Variants in CERKL observed in about 807,000 individuals in gnomAD.
The protein encoded by CERKL is CERK like autophagy regulator.
A neutral mutation model predicts 63.4 loss-of-function variants in CERKL; 61 were observed. The ratio of observed to expected loss-of-function variants is 0.96; its 90% CI spans 0.78 to 1.19. The LOEUF is 1.19. Ranked by LOEUF, CERKL falls within the 50% of genes most tolerant of loss-of-function variation. CERKL has a pLI of 0.00. For synonymous variants in CERKL, 250 were observed against 230.5 expected, an observed-to-expected ratio of 1.08 and a Z score of -0.77; for missense variants, 675 against 655.5, an observed-to-expected ratio of 1.03 and a Z score of -0.33.
intron 1 of CERKL, among the ~76,000 whole-genome samples, chr2:181,636,460 A>C (rs1687183498): frequency 6.7e-6 from 1 of 149,786 alleles, no homozygotes; most frequent in Non-Finnish European, 1.5e-5. Context: ...CCTGCTACCT[A>C]ATTTACCAAA....
At position 181,549,698 on chromosome 2, in the gene CERKL, A is replaced by C. The variant is rs768174254; in HGVS notation, c.831T>G (p.Asn277Lys). The change falls in exon 6 of 13, where the codon AAT becomes AAG. Residue 277 changes from asparagine (N) to lysine (K), a missense_variant. Physicochemically the swap from Asn to Lys is moderately conservative, Grantham distance 94 (BLOSUM62 0). Coordinates refer to ENST00000410087, the MANE Select transcript of CERKL (RefSeq NM_201548.5). ...CTCCATGAAGAGAATGTGCCAATAC[A>C]TTGGTAGATCCTGCCAAAGCAATTT... ...PLGLIPAGSTNVLAHSLHGVP... is the reference protein window; with the variant it reads ...PLGLIPAGSTKVLAHSLHGVP... 1.9e-6 allele frequency: 3 copies of C among 1,611,248 alleles called. No individual in the cohort carries two copies. The Admixed American group carries it at 5.0e-5, about 27-fold the overall frequency.
chr2:181,625,248 C>A (rs182420469), intron 1 of CERKL, among the ~76,000 whole-genome samples: 65 of 151,958 alleles, frequency 4.3e-4, no homozygotes, highest in African/African-American at 1.5e-3. Context: ...GAGGACTGAC[C>A]TTGACGAGTA....
At chr2:181,607,272 C>T (rs923861745) in intron 1 of CERKL, among the ~76,000 whole-genome samples, 1 of 152,176 alleles carries the variant, frequency 6.6e-6, no homozygotes, top group East Asian at 1.9e-4. Flanking sequence ...TTTGAAAATG[C>T]TACTTTAACA....
At chr2:181,651,093 C>T (rs3910665) in intron 1 of CERKL, among the ~76,000 whole-genome samples, 66,854 of 152,028 alleles carry the variant, frequency 0.44, 16,304 homozygotes, top group South Asian at 0.78. Context: ...CTGAACTCAA[C>T]CAAACATTTA....
At position 181,539,202 on chromosome 2, in the gene CERKL, A is replaced by G; in HGVS notation, c.1428T>C (p.Asn476=). ...VEEVKVHPRN[N]TGGYNPEEEE... The stretch of plus-strand genomic sequence containing the variant: ...CCTCCTCTGGATTATATCCACCAGT[A>G]TTATTCCTTGGATGAACTTTTACTT... Residue 476 remains asparagine, a synonymous_variant, in exon 12 of 13, where the codon AAT becomes AAC. Transcript: ENST00000410087. 1 of 1,606,168 alleles carries G rather than the reference A, an allele frequency of 6.2e-7. No individual in the cohort carries two copies. The highest frequency in any genetic ancestry group is 8.5e-7 in the Non-Finnish European group (1 of 1,172,950).
At chr2:181,614,830 T>G (rs937889513) in intron 1 of CERKL, among the ~76,000 whole-genome samples, 9 of 152,318 alleles carry the variant, frequency 5.9e-5, no homozygotes, top group Admixed American at 5.9e-4. Flanking sequence ...TGTTAAAACA[T>G]ACCTTTATTG....
intron 2 of CERKL, among the ~76,000 whole-genome samples, chr2:181,576,990 G>T (rs182247024): frequency 1.3e-5 from 2 of 152,282 alleles, no homozygotes; most frequent in Admixed American, 6.5e-5. Context: ...ATATTCATCA[G>T]AATTACCTGA....
In CERKL at chr2:181,611,946, T is replaced by C. The variant is rs375825131; in HGVS notation, c.239-7867A>G. On this transcript the variant is annotated intron_variant, in intron 1 of 12. Transcript: ENST00000410087. ...CTTGCTTATCCTAAAATAGTTTGATTAGTTTAAATTTAAAAATTTCCATTC... is the reference window on the plus strand; with the variant it reads ...CTTGCTTATCCTAAAATAGTTTGATCAGTTTAAATTTAAAAATTTCCATTC... Among the ~76,000 whole-genome samples, 125 of 152,342 alleles carry C rather than the reference T, an allele frequency of 8.2e-4. 2 individuals carry two copies. The highest frequency in any genetic ancestry group is 2.8e-3 in the African/African-American group (115 of 41,574).
intron 2 of CERKL, among the ~76,000 whole-genome samples, chr2:181,590,386 C>T (rs560143962): frequency 6.6e-6 from 1 of 151,902 alleles, no homozygotes; most frequent in Non-Finnish European, 1.5e-5. Context: ...ATGAGCTGCC[C>T]ACCTCAGCCT....
chr2:181,613,992 A>G (rs1265900017), intron 1 of CERKL, among the ~76,000 whole-genome samples: 1 of 152,208 alleles, frequency 6.6e-6, no homozygotes, highest in Non-Finnish European at 1.5e-5. Flanking sequence ...ACAAGCTTAA[A>G]ATGTTTTTAT....
At chr2:181,617,368 TC>T (rs1287280860) in intron 1 of CERKL, 3 of 152,194 alleles carry the variant, frequency 2.0e-5, no homozygotes, top group Non-Finnish European at 4.4e-5. Context: ...ACTTGAAAGA[TC>T]AACTGACAAT....
At chr2:181,631,295 C>G (rs962647251) in intron 1 of CERKL, among the ~76,000 whole-genome samples, 3 of 152,122 alleles carry the variant, frequency 2.0e-5, no homozygotes, top group African/African-American at 7.2e-5. Context: ...CTTTAAAAGT[C>G]TTGTGATTGA....
At chr2:181,549,885 A>G (rs1687913359) in intron 5 of CERKL, among the ~76,000 whole-genome samples, 177 bp from the exon 6 acceptor site, 1 of 152,226 alleles carries the variant, frequency 6.6e-6, no homozygotes, top group African/African-American at 2.4e-5. Context: ...CACAGTATAG[A>G]TGCACATCAA....
chr2:181,573,928 C>A (rs1167074702), intron 2 of CERKL, 44 bp from the exon 3 acceptor site: 1 of 1,587,690 alleles, frequency 6.3e-7, no homozygotes, highest in South Asian at 1.1e-5. Context: ...TCCTTGTCAT[C>A]ATTTTTTTTC....
rs200420283 is a variant in CERKL at position 181,537,574 on chromosome 2, T to C, written c.*610A>G. ...GGAGCAGTGAATCAAGGCAGACTTA[T>C]GAAATCTGTATTATATTTGTAACAG... On this transcript the variant is annotated 3_prime_UTR_variant, in exon 13 of 13. Coordinates refer to ENST00000410087, the MANE Select transcript of CERKL (RefSeq NM_201548.5). 32 of 432,368 alleles carry C rather than the reference T, an allele frequency of 7.4e-5. No individual in the cohort carries two copies. The highest frequency in any genetic ancestry group is 1.2e-4 in the Non-Finnish European group (26 of 217,076). The allele number at this position is 432,368 out of a possible 1,614,324, so 26.8% of individuals were successfully genotyped here.
intron 5 of CERKL, among the ~76,000 whole-genome samples, chr2:181,551,653 G>A (rs541316739): frequency 6.6e-6 from 1 of 152,096 alleles, no homozygotes; most frequent in Non-Finnish European, 1.5e-5. Context: ...ATAAACAATA[G>A]ATGCTGGTAA....
chr2:181,536,952 C>A lies in CERKL; in HGVS notation c.*1232G>T. 1 of 453,170 alleles carries A rather than the reference C, an allele frequency of 2.2e-6. No homozygotes were observed. Among genetic ancestry groups the A allele is most frequent in the Non-Finnish European group, 4.4e-6 (1 of 226,466 alleles). 28.1% of individuals were successfully genotyped at this position (453,170 alleles called of 1,614,324 possible). A position where few individuals can be genotyped will look rare whatever the true frequency, so the allele number is the denominator to read the frequency against. On this transcript the variant is annotated 3_prime_UTR_variant, in exon 13 of 13. Coordinates refer to ENST00000410087, the MANE Select transcript of CERKL (RefSeq NM_201548.5). ...AAGATTTCTTTATATGAAGTCCCTG[C>A]CACTAGCCAGCCATCCTAATTGATG...
intron 2 of CERKL, among the ~76,000 whole-genome samples, chr2:181,581,171 TCAGTA>T (rs1559088305): frequency 1.3e-5 from 2 of 152,218 alleles, no homozygotes; most frequent in African/African-American, 4.8e-5. Context: ...GTTATACAGT[TCAGTA>T]ATGTGGCCAG....
At chr2:181,608,348 T>G (rs1450074397) in intron 1 of CERKL, among the ~76,000 whole-genome samples, 1 of 144,688 alleles carries the variant, frequency 6.9e-6, no homozygotes, top group Non-Finnish European at 1.5e-5. Flanking sequence ...TGGTCTTGTA[T>G]CACATATAAA....
Sources: allele counts gnomAD v4.1 joint callset (sites outside exome capture counted in the v4.1 genomes callset), GRCh38; gene constraint gnomAD v4.1.1; transcripts MANE v1.5; gene names NCBI Gene and HGNC (gene_info 2026-07-23, HGNC 2026-07-21).